CUEDC1: variants seen among roughly 807,000 people sequenced by gnomAD.
The protein encoded by CUEDC1 is CUE domain-containing protein 1.
CUEDC1 carries 30 observed loss-of-function variants against 43.7 expected under a neutral mutation model. The observed-to-expected ratio is 0.69, with a 90% confidence interval of 0.51 to 0.93. The LOEUF (loss-of-function observed/expected upper bound fraction) is 0.93, where lower values mean the gene tolerates loss of function less well. Among genes scored for constraint, CUEDC1 ranks in the 40% least tolerant of loss-of-function variants. The probability of loss-of-function intolerance (pLI) is 0.00; values close to 1 mark genes in which losing one functional copy is unlikely to be tolerated. For missense variants in CUEDC1, 486 were observed against 549.0 expected (o/e 0.89, Z 1.15); for synonymous variants, 223 against 223.6 (o/e 1.00, Z 0.02).
chr17:57,870,872 G>A (rs904346965), intron 6 of CUEDC1, among the ~76,000 whole-genome samples: 9 of 152,102 alleles, frequency 5.9e-5, no homozygotes, highest in Non-Finnish European at 1.2e-4. Context: ...TAGAGATAGG[G>A]GGGTCTCATT....
intron 1 of CUEDC1, among the ~76,000 whole-genome samples, chr17:57,939,598 G>A (rs1299907618): frequency 6.6e-6 from 1 of 152,120 alleles, no homozygotes; most frequent in Non-Finnish European, 1.5e-5. Context: ...TTCTGGACGT[G>A]TCTGGCCAGC....
chr17:57,910,893 GCT>G (rs1000052012), intron 1 of CUEDC1, among the ~76,000 whole-genome samples: 4 of 152,094 alleles, frequency 2.6e-5, no homozygotes, highest in Non-Finnish European at 4.4e-5. Flanking sequence ...CCCTGGCTTT[GCT>G]CTGTTACCAT....
intron 5 of CUEDC1, among the ~76,000 whole-genome samples, chr17:57,872,129 A>G (rs1337998593): frequency 6.6e-6 from 1 of 152,026 alleles, no homozygotes; most frequent in Non-Finnish European, 1.5e-5. Context: ...CTCTACCCCA[A>G]ACGCACTCCC....
chr17:57,929,775 G>C (rs990126188), intron 1 of CUEDC1, among the ~76,000 whole-genome samples: 10 of 152,134 alleles, frequency 6.6e-5, no homozygotes, highest in Non-Finnish European at 1.0e-4. Context: ...AAGTCTTCTA[G>C]CACAGCGCTT....
chr17:57,933,950 T>A (rs1235114879), intron 1 of CUEDC1, among the ~76,000 whole-genome samples: 1 of 151,976 alleles, frequency 6.6e-6, no homozygotes, highest in Admixed American at 6.6e-5. Context: ...CCTGCTCCCC[T>A]CCCCATCCTG....
intron 1 of CUEDC1, among the ~76,000 whole-genome samples, chr17:57,907,769 C>G (rs1439356962): frequency 6.6e-6 from 1 of 150,960 alleles, no homozygotes; most frequent in Non-Finnish European, 1.5e-5. Flanking sequence ...TTGCTTGAAC[C>G]CGGGAGGTGA....
Position 57,950,249 on chromosome 17 carries a change from C to T in CUEDC1, c.-316+4976G>A, listed in dbSNP as rs1247790381. Among the ~76,000 whole-genome samples, 3 of 152,096 alleles carry T rather than the reference C, an allele frequency of 2.0e-5. No individual in the cohort carries two copies. The East Asian group carries it at 5.8e-4, about 29-fold the overall frequency. The stretch of plus-strand genomic sequence containing the variant: ...CACTGCAACTTCTGCCTCCTGGGTT[C>T]AAGCGATTCTCCTGCCTCAGCTTCC... On this transcript the variant is annotated intron_variant, in intron 1 of 10. Coordinates refer to ENST00000577830, the MANE Select transcript of CUEDC1 (RefSeq NM_001271875.2).
At chr17:57,908,951 C>A (rs1175195310) in intron 1 of CUEDC1, among the ~76,000 whole-genome samples, 2 of 151,936 alleles carry the variant, frequency 1.3e-5, no homozygotes, top group African/African-American at 4.8e-5. Flanking sequence ...GAGCCAAGAT[C>A]GCGCTACTGC....
chr17:57,906,874 G>A (rs1397407329), intron 1 of CUEDC1, among the ~76,000 whole-genome samples: 1 of 151,910 alleles, frequency 6.6e-6, no homozygotes, highest in Non-Finnish European at 1.5e-5. Flanking sequence ...TTGAGGCTGA[G>A]GCAGGAGAAT....
rs1335187796 is a variant in CUEDC1, at chr17:57,879,651, C to T, written c.424G>A (p.Asp142Asn). Residue 142 changes from aspartate (D) to asparagine (N), a missense_variant, in exon 3 of 11, where the codon GAC becomes AAC. Physicochemically the swap from Asp to Asn is conservative, Grantham distance 23. Transcript: ENST00000577830. The part of the protein sequence containing the change: ...SPPAYHMHVF[D>N]RPYPLAPPTP... ...GGGGGAGCCAGAGGGTAGGGCCGGT[C>T]GAACACGTGCATGTGGTAGGCTGGC... 2.5e-6 allele frequency: 4 copies of T among 1,603,864 alleles called. No individual in the cohort carries two copies. The highest frequency in any genetic ancestry group is 1.1e-5 in the South Asian group (1 of 89,380).
At chr17:57,864,487 C>T (rs1307527589) in intron 10 of CUEDC1, among the ~76,000 whole-genome samples, 1 of 152,048 alleles carries the variant, frequency 6.6e-6, no homozygotes, top group Non-Finnish European at 1.5e-5. Context: ...ACCTGGCTTC[C>T]TGGGGTCACA....
chr17:57,924,088 C>T (rs2074722438), intron 1 of CUEDC1, among the ~76,000 whole-genome samples: 1 of 150,198 alleles, frequency 6.7e-6, no homozygotes, highest in Non-Finnish European at 1.5e-5. Context: ...CAGGCACACA[C>T]CACTGTGCTC....
At chr17:57,876,511 G>A (rs1407499724) in intron 3 of CUEDC1, among the ~76,000 whole-genome samples, 2 of 152,170 alleles carry the variant, frequency 1.3e-5, no homozygotes, top group Non-Finnish European at 2.9e-5. Flanking sequence ...AGGCAGCACC[G>A]TATTCACCTC....
chr17:57,865,151 A>G (rs1459847611), intron 10 of CUEDC1, among the ~76,000 whole-genome samples: 2 of 152,236 alleles, frequency 1.3e-5, no homozygotes, highest in African/African-American at 4.8e-5. Context: ...GGGGACCAGT[A>G]GGAAGGAGAA....
At chr17:57,946,431 G>A (rs2074960327) in intron 1 of CUEDC1, among the ~76,000 whole-genome samples, 1 of 152,272 alleles carries the variant, frequency 6.6e-6, no homozygotes, top group East Asian at 1.9e-4. Context: ...GATGTCCTGT[G>A]AACCAACCAG....
intron 1 of CUEDC1, among the ~76,000 whole-genome samples, chr17:57,893,323 G>C (rs1426386393): frequency 6.8e-6 from 1 of 147,232 alleles, no homozygotes; most frequent in African/African-American, 2.4e-5. Context: ...GGGAAGAGGA[G>C]AGCAAGAGAC....
chr17:57,886,319 GCTCTTTAAAGATGTCCTGC>G (rs2074289971), intron 1 of CUEDC1, among the ~76,000 whole-genome samples: 3 of 152,180 alleles, frequency 2.0e-5, no homozygotes, highest in African/African-American at 7.2e-5. Flanking sequence ...GGCAGGAGGG[GCTCTTTAAAGATGTCCTGC>G]CTCTCTGATC....
intron 1 of CUEDC1, among the ~76,000 whole-genome samples, chr17:57,919,672 A>G (rs75317508): frequency 0.04 from 6,151 of 152,284 alleles, 153 homozygotes; most frequent in Middle Eastern, 0.075. Flanking sequence ...GTATACAACA[A>G]GCACTAGACC....
intron 1 of CUEDC1, among the ~76,000 whole-genome samples, chr17:57,889,956 CT>C (rs1279717422): frequency 6.6e-6 from 1 of 152,222 alleles, no homozygotes; most frequent in Non-Finnish European, 1.5e-5. Flanking sequence ...GCAACTAGCA[CT>C]GCTCAAATGA....
Sources: allele counts gnomAD v4.1 joint callset (sites outside exome capture counted in the v4.1 genomes callset), GRCh38; gene constraint gnomAD v4.1.1; transcripts MANE v1.5; gene names NCBI Gene and HGNC (gene_info 2026-07-23, HGNC 2026-07-21).